POLK: variants seen among roughly 807,000 people sequenced by gnomAD.
The protein encoded by POLK is DNA polymerase kappa, also known as polymerase (DNA directed) kappa.
Under a neutral mutation model 94.0 loss-of-function variants are expected in POLK, and 76 were observed. The ratio of observed to expected loss-of-function variants is 0.81; its 90% CI spans 0.67 to 0.98. The LOEUF is 0.98. Ranked by LOEUF, POLK falls within the 50% of genes least tolerant of loss-of-function variation. The pLI is 0.00. For missense variants in POLK, 954 were observed against 1,010.1 expected (o/e 0.94, Z 0.75); for synonymous variants, 349 against 325.4 (o/e 1.07, Z -0.78).
chr5:75,556,878 A>G (rs1307900310), intron 3 of POLK, among the ~76,000 whole-genome samples: 1 of 152,144 alleles, frequency 6.6e-6, no homozygotes, highest in Non-Finnish European at 1.5e-5. Flanking sequence ...CCTAGGCAAC[A>G]TAGCGAGACC....
intron 1 of POLK, among the ~76,000 whole-genome samples, chr5:75,541,459 A>G (rs1298777647): frequency 1.3e-5 from 2 of 152,192 alleles, no homozygotes; most frequent in Non-Finnish European, 2.9e-5. Context: ...TGTCTTTAGG[A>G]TGAAGTAGAG....
intron 14 of POLK, 35 bp from the exon 15 acceptor site, chr5:75,597,899 C>T (rs949328813): frequency 8.3e-7 from 1 of 1,206,984 alleles, no homozygotes; most frequent in Non-Finnish European, 1.2e-6. Context: ...AGAATCTCTT[C>T]CTGCATTTTA....
At chr5:75,607,603 G>A in the POLK span, among the ~76,000 whole-genome samples, 6 of 151,992 alleles carry the variant, frequency 3.9e-5, 1 homozygote, top group African/African-American at 1.2e-4. Flanking sequence ...AGATGCTGCC[G>A]TTTACACCTG....
chr5:75,595,248 G>GAAAAAAAAAAAAAAAAAAAAA lies in POLK; in HGVS notation c.1529-969_1529-949dup, dbSNP rs58783164. ...GCAACAAGAGTGAAACTCCACCTCA[G>GAAAAAAAAAAAAAAAAAAAAA]AAAAAAAAAAAAAAAAAAAAAAAAA... On this transcript the variant is annotated intron_variant, in intron 12 of 14. Transcript: ENST00000241436. Among the ~76,000 whole-genome samples, 8 of 24,882 alleles carry GAAAAAAAAAAAAAAAAAAAAA rather than the reference G, an allele frequency of 3.2e-4. 2 individuals carry two copies. Among genetic ancestry groups the GAAAAAAAAAAAAAAAAAAAAA allele is most frequent in the African/African-American group, 5.5e-4 (5 of 9,168 alleles). The allele number at this position is 24,882 out of a possible 152,430, so 16.3% of individuals were successfully genotyped here.
intron 1 of POLK, among the ~76,000 whole-genome samples, chr5:75,516,178 C>G (rs938800698): frequency 6.6e-6 from 1 of 152,082 alleles, no homozygotes; most frequent in African/African-American, 2.4e-5. Flanking sequence ...GTGGGTTGTC[C>G]CTTCACTTTG....
At chr5:75,516,810 T>C (rs930791635) in intron 1 of POLK, among the ~76,000 whole-genome samples, 2 of 152,246 alleles carry the variant, frequency 1.3e-5, no homozygotes, top group African/African-American at 4.8e-5. Flanking sequence ...GTATCAAAAA[T>C]CAAAGAGATA....
intron 13 of POLK, 76 bp downstream of exon 13, chr5:75,597,254 A>G: frequency 1.3e-6 from 1 of 799,624 alleles, no homozygotes; most frequent in Non-Finnish European, 2.1e-6. Context: ...TTGTTGTTAA[A>G]TCTGAAACAT....
At chr5:75,559,505 GTTTTTTTGTTTTGTTTTGT>G (rs1370310061) in intron 3 of POLK, among the ~76,000 whole-genome samples, 23 of 70,110 alleles carry the variant, frequency 3.3e-4, no homozygotes, top group Non-Finnish European at 6.9e-4. Flanking sequence ...TTTGGGGTTT[GTTTTTTTGTTTTGTTTTGT>G]TTTTTTTTTT....
chr5:75,526,227 T>TA (rs1345214543), intron 1 of POLK, among the ~76,000 whole-genome samples: 3 of 151,604 alleles, frequency 2.0e-5, no homozygotes, highest in African/African-American at 2.4e-5. Context: ...CTCCGTCTCT[T>TA]AAAAAAAAGA....
chr5:75,576,373 C>T (rs1771872745), intron 5 of POLK, among the ~76,000 whole-genome samples: 1 of 152,014 alleles, frequency 6.6e-6, no homozygotes, highest in South Asian at 2.1e-4. Context: ...GAACCAAAAA[C>T]AATAAATCAC....
At chr5:75,584,978 C>T in intron 9 of POLK, 52 bp downstream of exon 9, 5 of 1,161,342 alleles carry the variant, frequency 4.3e-6, no homozygotes, top group Non-Finnish European at 5.1e-6. Flanking sequence ...GCTGCAATAT[C>T]AGTTTTAACC....
intron 3 of POLK, chr5:75,568,776 TC>T (rs1771421841): frequency 3.4e-6 from 1 of 294,050 alleles, no homozygotes; most frequent in East Asian, 1.2e-4. Flanking sequence ...AGCATAAACA[TC>T]ATATGCCAAA....
At chr5:75,549,541 G>A (rs1770233151) in intron 2 of POLK, among the ~76,000 whole-genome samples, 1 of 151,630 alleles carries the variant, frequency 6.6e-6, no homozygotes, top group African/African-American at 2.4e-5. Flanking sequence ...ATATATAGGT[G>A]CATATATAAT....
chr5:75,599,510 A>G (rs1397869278), exon 15 of POLK: 1 of 152,172 alleles, frequency 6.6e-6, no homozygotes. Flanking sequence ...CTAGCATGCC[A>G]ATCCAATCCC....
intron 8 of POLK, 43 bp from the exon 9 acceptor site, chr5:75,584,717 T>G: frequency 8.6e-7 from 1 of 1,158,018 alleles, no homozygotes; most frequent in East Asian, 2.7e-5. Flanking sequence ...ATTTTTAGCT[T>G]CACTTTAAAA....
intron 1 of POLK, among the ~76,000 whole-genome samples, chr5:75,517,027 T>C (rs1768357202): frequency 6.6e-6 from 1 of 152,364 alleles, no homozygotes; most frequent in Non-Finnish European, 1.5e-5. Context: ...GCCAGTATTA[T>C]GGTCATTTGG....
At chr5:75,540,345 T>C (rs1171619054) in intron 1 of POLK, among the ~76,000 whole-genome samples, 1 of 151,982 alleles carries the variant, frequency 6.6e-6, no homozygotes, top group Non-Finnish European at 1.5e-5. Flanking sequence ...TCTTCTCTGT[T>C]GTCCAGGCTG....
At chr5:75,523,893 G>A (rs928959896) in intron 1 of POLK, among the ~76,000 whole-genome samples, 2 of 152,204 alleles carry the variant, frequency 1.3e-5, no homozygotes, top group Non-Finnish European at 2.9e-5. Context: ...ACTTTGCGGG[G>A]CCGAGGCAGG....
chr5:75,535,680 T>A (rs1769407277), intron 1 of POLK, among the ~76,000 whole-genome samples: 1 of 152,224 alleles, frequency 6.6e-6, no homozygotes, highest in Non-Finnish European at 1.5e-5. Flanking sequence ...TTTGTGTGAC[T>A]GGGTTATTTC....
Sources: gnomAD v4.1 joint callset for allele counts (sites outside exome capture counted in the v4.1 genomes callset) on GRCh38, gnomAD v4.1.1 for gene constraint, MANE v1.5 for transcripts, NCBI Gene and HGNC (gene_info 2026-07-23, HGNC 2026-07-21) for gene names.